Variants in SIGLEC9 observed in about 807,000 individuals in gnomAD.
SIGLEC9 encodes the protein sialic acid-binding Ig-like lectin 9.
In SIGLEC9, 26 loss-of-function variants were observed where a neutral mutation model predicts 38.3. That is an observed-to-expected ratio of 0.68 (90% CI 0.50 to 0.94). The LOEUF (loss-of-function observed/expected upper bound fraction) is 0.94, where lower values mean the gene tolerates loss of function less well. Ranked by LOEUF, SIGLEC9 falls within the 40% of genes least tolerant of loss-of-function variation. The pLI is 0.00. For synonymous variants in SIGLEC9, 236 were observed against 248.0 expected, an observed-to-expected ratio of 0.95 and a Z score of 0.45; for missense variants, 556 against 585.7, an observed-to-expected ratio of 0.95 and a Z score of 0.52.
At chr19:51,131,606 T>A, downstream of SIGLEC9, among the ~76,000 whole-genome samples, 1 of 147,434 alleles carries the variant, frequency 6.8e-6, no homozygotes, top group African/African-American at 2.5e-5. Flanking sequence ...AATAAATAAA[T>A]AAATAAATAA....
downstream of SIGLEC9, among the ~76,000 whole-genome samples, chr19:51,132,531 G>A (rs1345593861): frequency 6.6e-6 from 1 of 152,148 alleles, no homozygotes; most frequent in African/African-American, 2.4e-5. Flanking sequence ...GGCCATATGT[G>A]TCTCATGACC....
At chr19:51,131,056 G>A (rs376098883), downstream of SIGLEC9, among the ~76,000 whole-genome samples, 1 of 152,172 alleles carries the variant, frequency 6.6e-6, no homozygotes, top group Non-Finnish European at 1.5e-5. Context: ...CCCAGGGAAT[G>A]AGAAACGTTT....
rs757637187 is a variant in SIGLEC9, at chr19:51,125,237, G to C, written c.263G>C (p.Arg88Pro). ...NPARAVWEETRDRFHLLGDPH... is the reference protein window; with the variant it reads ...NPARAVWEETPDRFHLLGDPH... ...GCTCGGGCAGTGTGGGAGGAGACTC[G>C]GGACCGATTCCACCTCCTTGGGGAC... is the stretch of plus-strand genomic sequence containing the variant. Residue 88 changes from arginine to proline, a missense_variant, in exon 1 of 7, where the codon CGG becomes CCG. Physicochemically the swap from Arg to Pro is moderately radical, Grantham distance 103. Coordinates refer to ENST00000250360, the MANE Select transcript of SIGLEC9 (RefSeq NM_014441.3). 1 of 1,614,052 alleles carries C rather than the reference G, an allele frequency of 6.2e-7. No individual in the cohort carries two copies.
chr19:51,126,058 G>C (rs763877956), intron 2 of SIGLEC9, 23 bp from the exon 3 acceptor site: 27 of 1,613,030 alleles, frequency 1.7e-5, no homozygotes, highest in Non-Finnish European at 2.5e-6. Flanking sequence ...AGTGATGCGG[G>C]TCTCCATGTC....
chr19:51,135,326 C>T (rs994346016), intron 6 of SIGLEC9, among the ~76,000 whole-genome samples: 3 of 152,018 alleles, frequency 2.0e-5, no homozygotes, highest in East Asian at 1.9e-4. Context: ...ATTTATCCTT[C>T]GTTTATGAAG....
In SIGLEC9 at chr19:51,126,094, C is replaced by T. The variant is rs557677888; in HGVS notation, c.714C>T (p.Asn238=). 110 of 1,614,142 alleles carry T rather than the reference C, an allele frequency of 6.8e-5. 1 individual carries two copies. The South Asian group carries it at 1.1e-3, about 17-fold the overall frequency. The change falls in exon 3 of 7, where the codon AAC becomes AAT. Residue 238 remains asparagine (N), a synonymous_variant. Transcript: ENST00000250360. The part of the protein sequence containing the change: ...VHLNVSYPPQ[N]LTMTVFQGDG... The stretch of plus-strand genomic sequence containing the variant: ...TTTCTGTCCCAGACCCGCCTCAGAA[C>T]TTGACCATGACTGTCTTCCAAGGAG...
intron 6 of SIGLEC9, among the ~76,000 whole-genome samples, 195 bp from the exon 7 acceptor site, chr19:51,129,696 C>T (rs2092004252): frequency 1.3e-5 from 2 of 152,072 alleles, no homozygotes; most frequent in Admixed American, 1.3e-4. Flanking sequence ...ATTAAAGGTG[C>T]ACACCACCAC....
downstream of SIGLEC9, among the ~76,000 whole-genome samples, chr19:51,130,591 G>A (rs561224387): frequency 6.6e-6 from 1 of 152,316 alleles, no homozygotes; most frequent in African/African-American, 2.4e-5. Flanking sequence ...GGTCTAGGTA[G>A]CATCTGGATC....
At chr19:51,128,556 T>TCC (rs2091994290) in intron 6 of SIGLEC9, 46 bp downstream of exon 6, 7 of 1,556,044 alleles carry the variant, frequency 4.5e-6, no homozygotes, top group Non-Finnish European at 6.2e-6. Flanking sequence ...CCTGGACACC[T>TCC]CCCACAGGAT....
chr19:51,135,875 T>C, intron 6 of SIGLEC9: 1 of 646,752 alleles, frequency 1.5e-6, no homozygotes, highest in Non-Finnish European at 2.8e-6. Flanking sequence ...ATGTTAATAC[T>C]TCCGCTTGTA....
chr19:51,125,303 G>C lies in SIGLEC9; in HGVS notation c.329G>C (p.Arg110Thr), dbSNP rs762650918. Residue 110 changes from arginine to threonine, a missense_variant, in exon 1 of 7, where the codon AGA becomes ACA. By Grantham distance (71) the Arg-to-Thr change is moderately conservative. Transcript: ENST00000250360. ...TGCACCCTGAGCATCAGAGATGCCAGAAGAAGTGATGCGGGGAGATACTTC... is the reference window on the plus strand; with the variant it reads ...TGCACCCTGAGCATCAGAGATGCCACAAGAAGTGATGCGGGGAGATACTTC... The part of the protein sequence containing the change: ...KNCTLSIRDA[R>T]RSDAGRYFFR... The C allele has an allele frequency of 5.1e-5, 82 of 1,613,262 alleles. No individual in the cohort carries two copies. The Admixed American group carries it at 1.4e-3, about 27-fold the overall frequency.
At chr19:51,135,254 T>A (rs2092036286), downstream of SIGLEC9, among the ~76,000 whole-genome samples, 2 of 152,246 alleles carry the variant, frequency 1.3e-5, no homozygotes, top group Admixed American at 1.3e-4. Flanking sequence ...TAAGGACCTC[T>A]TATAAGTCAG....
chr19:51,134,336 C>G (rs1242348893), downstream of SIGLEC9, among the ~76,000 whole-genome samples: 2 of 151,412 alleles, frequency 1.3e-5, no homozygotes, highest in African/African-American at 2.4e-5. Context: ...ATAGAGATGA[C>G]CACCATGTTG....
At position 51,125,232 on chromosome 19, in the gene SIGLEC9, G is replaced by A. The variant is rs756591190; in HGVS notation, c.258G>A (p.Glu86=). ...TNNPARAVWE[E]TRDRFHLLGD... ...ACCCAGCTCGGGCAGTGTGGGAGGA[G>A]ACTCGGGACCGATTCCACCTCCTTG... is the stretch of plus-strand genomic sequence containing the variant. Residue 86 remains glutamate, a synonymous_variant, in exon 1 of 7, where the codon GAG becomes GAA. Coordinates refer to ENST00000250360, the MANE Select transcript of SIGLEC9 (RefSeq NM_014441.3). 5.6e-6 allele frequency: 9 copies of A among 1,614,116 alleles called. No individual in the cohort carries two copies. The highest frequency in any genetic ancestry group is 7.6e-6 in the Non-Finnish European group (9 of 1,179,992).
chr19:51,123,285 C>T (rs541946950), upstream of SIGLEC9, among the ~76,000 whole-genome samples: 47 of 152,306 alleles, frequency 3.1e-4, no homozygotes, highest in Non-Finnish European at 2.9e-4. Context: ...CTGTCCTGTC[C>T]CGCCTGAGTT....
downstream of SIGLEC9, among the ~76,000 whole-genome samples, chr19:51,134,147 C>CTTT (rs71185802): frequency 2.1e-3 from 140 of 66,518 alleles, 22 homozygotes; most frequent in East Asian, 2.8e-3. Flanking sequence ...TCTTTCTTTT[C>CTTT]TTTTTTTTTT....
Position 51,127,300 on chromosome 19 carries a change from A to G in SIGLEC9, c.1015+4A>G, listed in dbSNP as rs1447263967. ...TACCTGAACGTCTCCCTGCAGAGTG[A>G]GTGCACCAGTATGCTGGGGAGGGGC... On this transcript the variant is annotated splice_donor_region_variant and intron_variant, in intron 4 of 6. Coordinates refer to ENST00000250360, the MANE Select transcript of SIGLEC9 (RefSeq NM_014441.3). 2 of 1,605,026 alleles carry G rather than the reference A, an allele frequency of 1.2e-6. No individual in the cohort carries two copies. Among genetic ancestry groups the G allele is most frequent in the African/African-American group, 2.7e-5 (2 of 74,724 alleles).
Position 51,127,299 on chromosome 19 carries a change from G to T in SIGLEC9, c.1015+3G>T, listed in dbSNP as rs777015583. On this transcript the variant is annotated splice_donor_region_variant and intron_variant, in intron 4 of 6. Coordinates refer to ENST00000250360, the MANE Select transcript of SIGLEC9 (RefSeq NM_014441.3). The stretch of plus-strand genomic sequence containing the variant: ...CTACCTGAACGTCTCCCTGCAGAGT[G>T]AGTGCACCAGTATGCTGGGGAGGGG... 1.9e-6 allele frequency: 3 copies of T among 1,605,536 alleles called. No homozygotes were observed. Among genetic ancestry groups the T allele is most frequent in the Non-Finnish European group, 1.7e-6 (2 of 1,174,450 alleles).
upstream of SIGLEC9, among the ~76,000 whole-genome samples, chr19:51,123,433 C>T (rs565187942): frequency 6.6e-6 from 1 of 152,320 alleles, no homozygotes; most frequent in South Asian, 2.1e-4. Flanking sequence ...CCCAGCCCTG[C>T]AGAACAGATG....
Sources: gnomAD v4.1 joint callset for allele counts (sites outside exome capture counted in the v4.1 genomes callset) on GRCh38, gnomAD v4.1.1 for gene constraint, MANE v1.5 for transcripts, NCBI Gene and HGNC (gene_info 2026-07-23, HGNC 2026-07-21) for gene names.